The following RILPL2 variants were observed in gnomAD, a reference collection of about 807,000 sequenced individuals.
The protein encoded by RILPL2 is Rab interacting lysosomal protein like 2, also known as RILP-like protein 2.
RILPL2 carries 19 observed loss-of-function variants against 22.2 expected under a neutral mutation model. The ratio of observed to expected loss-of-function variants is 0.86; its 90% CI spans 0.60 to 1.25. The LOEUF is 1.25. Ranked by LOEUF, RILPL2 falls within the 50% of genes most tolerant of loss-of-function variation. The pLI is 0.00. For synonymous variants in RILPL2, 123 were observed against 111.6 expected (o/e 1.10, Z -0.64); for missense variants, 243 against 263.6 (o/e 0.92, Z 0.54).
At chr12:123,419,563 C>T (rs541276122) in intron 3 of RILPL2, among the ~76,000 whole-genome samples, 1 of 151,866 alleles carries the variant, frequency 6.6e-6, no homozygotes, top group East Asian at 1.9e-4. Context: ...CCTGTTGCTC[C>T]AGTTCTATTC....
chr12:123,409,714 CTTTTTTTTTTTTTTTTT>C, the RILPL2 span, among the ~76,000 whole-genome samples: 2 of 90,584 alleles, frequency 2.2e-5, no homozygotes, highest in Non-Finnish European at 3.9e-5. Flanking sequence ...CACACCTGGC[CTTTTTTTTTTTTTTTTT>C]TTTTTTTTTT....
chr12:123,436,039 C>T lies in RILPL2; in HGVS notation c.339+43G>A. 1 of 1,541,360 alleles carries T rather than the reference C, an allele frequency of 6.5e-7. No homozygotes were observed. The highest frequency in any genetic ancestry group is 8.8e-7 in the Non-Finnish European group (1 of 1,140,496). ...CCTGCCAGTAGGTGCCCTCCTACGC[C>T]CCGCAGGCGCCGTGGGCCCGGAACC... is the stretch of plus-strand genomic sequence containing the variant. On this transcript the variant is annotated intron_variant, in intron 1 of 3. Transcript: ENST00000280571. The surrounding 1 kb of genome is among the most constrained non-coding windows in gnomAD (Gnocchi z 6.7).
At chr12:123,425,564 T>G (rs1879421881) in intron 2 of RILPL2, among the ~76,000 whole-genome samples, 1 of 152,124 alleles carries the variant, frequency 6.6e-6, no homozygotes, top group Non-Finnish European at 1.5e-5. Flanking sequence ...CAAAGATACC[T>G]CTTTCAGTGT....
chr12:123,424,644 G>A (rs1006317088), intron 2 of RILPL2, among the ~76,000 whole-genome samples: 5 of 152,032 alleles, frequency 3.3e-5, no homozygotes, highest in Non-Finnish European at 5.9e-5. Context: ...TCCCAATTAT[G>A]TTACCAAAAA....
At position 123,436,372 on chromosome 12, in the gene RILPL2, C is replaced by T; in HGVS notation, c.49G>A (p.Asp17Asn). 1.9e-5 allele frequency: 30 copies of T among 1,552,626 alleles called. No individual in the cohort carries two copies. The highest frequency in any genetic ancestry group is 2.6e-5 in the Non-Finnish European group (30 of 1,147,834). Residue 17 changes from aspartate to asparagine, a missense_variant, in exon 1 of 4, where the codon GAC becomes AAC. Coordinates refer to ENST00000280571, the MANE Select transcript of RILPL2 (RefSeq NM_145058.3). This position sits in a 1 kb window ranked among gnomAD's most constrained non-coding sequence, Gnocchi z 6.7. ...REEEEEEGEEDEERDEVGPEG... is the reference protein window; with the variant it reads ...REEEEEEGEENEERDEVGPEG... ...GGCCCAACCTCGTCCCTCTCCTCGT[C>T]CTCCTCTCCCTCCTCCTCTTCCTCT...
chr12:123,410,725 A>C (rs1036881744), downstream of RILPL2: 8 of 152,158 alleles, frequency 5.3e-5, no homozygotes, highest in South Asian at 2.1e-4. Flanking sequence ...AAAAAAAAAA[A>C]AACAACACTT....
chr12:123,413,513 C>T (rs941551139), downstream of RILPL2: 1 of 153,582 alleles, frequency 6.5e-6, no homozygotes, highest in Admixed American at 6.5e-5. Context: ...CCTGGTCTCC[C>T]TAGCTTCAGG....
intron 3 of RILPL2, 94 bp from the exon 4 acceptor site, chr12:123,416,015 T>A (rs1879107311): frequency 7.9e-7 from 1 of 1,258,134 alleles, no homozygotes; most frequent in Non-Finnish European, 1.2e-6. Context: ...CTCTTGCAGC[T>A]GTTGACTCAA....
In RILPL2 at chr12:123,436,221, T is replaced by C. The variant is rs1324239144; in HGVS notation, c.200A>G (p.Lys67Arg). The C allele has an allele frequency of 1.9e-6, 3 of 1,612,550 alleles. No homozygotes were observed. The highest frequency in any genetic ancestry group is 2.5e-6 in the Non-Finnish European group (3 of 1,179,498). The change falls in exon 1 of 4, where the codon AAA (lysine) becomes AGA (arginine). Residue 67 changes from lysine to arginine, a missense_variant. Transcript: ENST00000280571. This position sits in a 1 kb window ranked among gnomAD's most constrained non-coding sequence, Gnocchi z 6.7. ...SDPRVTQLQF[K>R]VVRVLEMLEA... ...CAGCATCTCCAGGACGCGGACGACT[T>C]TGAACTGCAGCTGCGTCACCCGGGG...
At position 123,420,733 on chromosome 12, in the gene RILPL2, G is replaced by A. The variant is rs536925878; in HGVS notation, c.605+2311C>T. ...TTTACAGGCGTCAGCCACTGCGCCC[G>A]GTCGAGTTTGACTCTTGATTCCATT... On this transcript the variant is annotated intron_variant, in intron 3 of 3. Transcript: ENST00000280571. 2.6e-5 allele frequency among the ~76,000 whole-genome samples: 4 copies of A among 152,274 alleles called. No individual in the cohort carries two copies. In the East Asian group the frequency reaches 7.7e-4, roughly 29 times the overall value.
rs538950938 is a variant in RILPL2 at position 123,419,375 on chromosome 12, T to C, written c.606-3454A>G. ...TTTTACACAAGCACCTCACTCTTAG[T>C]ATAAGAGGCAGCATCCGAAGAACTA... On this transcript the variant is annotated intron_variant, in intron 3 of 3. Transcript: ENST00000280571. 2.0e-5 allele frequency among the ~76,000 whole-genome samples: 3 copies of C among 152,188 alleles called. No homozygotes were observed. In the East Asian group the frequency reaches 5.8e-4, roughly 29 times the overall value.
At chr12:123,425,510 C>T (rs1009229304) in intron 2 of RILPL2, among the ~76,000 whole-genome samples, 12 of 151,654 alleles carry the variant, frequency 7.9e-5, no homozygotes, top group African/African-American at 2.9e-4. Context: ...AATTCCTGGC[C>T]AGGCTCAGTG....
chr12:123,421,671 C>CTTTTT (rs561071129), intron 3 of RILPL2, among the ~76,000 whole-genome samples: 1 of 135,792 alleles, frequency 7.4e-6, no homozygotes. Flanking sequence ...TGGGTTATTC[C>CTTTTT]TTTTTTTTTT....
At position 123,436,160 on chromosome 12, in the gene RILPL2, C is replaced by T. The variant is rs1456271506; in HGVS notation, c.261G>A (p.Glu87=). The T allele has an allele frequency of 1.2e-6, 2 of 1,607,676 alleles. No homozygotes were observed. The highest frequency in any genetic ancestry group is 4.5e-5 in the East Asian group (2 of 44,460). The change falls in exon 1 of 4, where the codon GAG becomes GAA. Residue 87 remains glutamate (E), a synonymous_variant. Coordinates refer to ENST00000280571, the MANE Select transcript of RILPL2 (RefSeq NM_145058.3). The surrounding 1 kb of genome is among the most constrained non-coding windows in gnomAD (Gnocchi z 6.7). The part of the protein sequence containing the change: ...ALVNEGSLAL[E]ELKMERDHLR... ...GGTGGTCCCTCTCCATCTTCAGCTC[C>T]TCCAGCGCCAGGCTGCCCTCATTCA...
chr12:123,432,977 A>G (rs1475226497), intron 1 of RILPL2, among the ~76,000 whole-genome samples: 1 of 150,490 alleles, frequency 6.6e-6, no homozygotes, highest in Admixed American at 6.6e-5. Context: ...GCAAATAATA[A>G]TAATAATTAA....
At chr12:123,426,514 C>T (rs145296461) in intron 2 of RILPL2, among the ~76,000 whole-genome samples, 84 of 152,264 alleles carry the variant, frequency 5.5e-4, no homozygotes, top group African/African-American at 1.8e-3. Context: ...CTAAAATTTC[C>T]ATTTTTCCAT....
In RILPL2 at chr12:123,415,574, G is replaced by C; in HGVS notation, c.*317C>G. ...GTCATCCGTGGGAGCAGATGAGTAGGACACGCGTCTGCACGCTGGAGGCCC... is the reference window on the plus strand; with the variant it reads ...GTCATCCGTGGGAGCAGATGAGTAGCACACGCGTCTGCACGCTGGAGGCCC... On this transcript the variant is annotated 3_prime_UTR_variant, in exon 4 of 4. Coordinates refer to ENST00000280571, the MANE Select transcript of RILPL2 (RefSeq NM_145058.3). The C allele has an allele frequency of 2.4e-6, 1 of 422,734 alleles. No homozygotes were observed. The highest frequency in any genetic ancestry group is 4.3e-6 in the Non-Finnish European group (1 of 231,628). The allele number at this position is 422,734 out of a possible 1,614,324, so 26.2% of individuals were successfully genotyped here.
Position 123,432,278 on chromosome 12 carries a change from G to A in RILPL2, c.340-1619C>T, listed in dbSNP as rs571922259. Among the ~76,000 whole-genome samples, 341 of 151,692 alleles carry A rather than the reference G, an allele frequency of 2.2e-3. 1 individual carries two copies. The highest frequency in any genetic ancestry group is 0.017 in the Middle Eastern group (5 of 294). Reference sequence around the variant, plus strand: ...CCCAGAACTCTGGGAGGCTAGAGCGGGTGGATCGTTTGAGCCCAGGAGTTT... The same window carrying A: ...CCCAGAACTCTGGGAGGCTAGAGCGAGTGGATCGTTTGAGCCCAGGAGTTT... On this transcript the variant is annotated intron_variant, in intron 1 of 3. Transcript: ENST00000280571.
chr12:123,423,554 G>T (rs915465441), intron 2 of RILPL2, among the ~76,000 whole-genome samples: 2 of 151,882 alleles, frequency 1.3e-5, no homozygotes, highest in African/African-American at 4.8e-5. Flanking sequence ...TCTTAATGAT[G>T]ATGATGATGA....
Sources: allele counts gnomAD v4.1 joint callset (sites outside exome capture counted in the v4.1 genomes callset), GRCh38; gene constraint gnomAD v4.1.1; non-coding constraint Gnocchi (gnomAD v3.1); transcripts MANE v1.5; gene names NCBI Gene and HGNC (gene_info 2026-07-23, HGNC 2026-07-21).